TRIQK: variants seen among roughly 807,000 people sequenced by gnomAD.
The protein encoded by TRIQK is triple QxxK/R motif-containing protein.
In TRIQK, 10 loss-of-function variants were observed where a neutral mutation model predicts 10.8. That is an observed-to-expected ratio of 0.92 (90% CI 0.57 to 1.57). The LOEUF (loss-of-function observed/expected upper bound fraction) is 1.57. TRIQK is among the 40% of genes most tolerant of loss of function. The pLI is 0.00. For synonymous variants in TRIQK, 33 were observed against 33.7 expected (o/e 0.98, Z 0.07); for missense variants, 107 against 97.7 (o/e 1.09, Z -0.40).
chr8:92,988,394 A>G (rs1229048768), intron 1 of TRIQK, among the ~76,000 whole-genome samples: 52 of 152,070 alleles, frequency 3.4e-4, no homozygotes. Flanking sequence ...AATTAAATGA[A>G]AAGAAAAGTA....
At chr8:93,003,363 A>G (rs1813234898) in intron 1 of TRIQK, among the ~76,000 whole-genome samples, 1 of 149,704 alleles carries the variant, frequency 6.7e-6, no homozygotes, top group East Asian at 1.9e-4. Context: ...AGTGTTACAC[A>G]CATTCAAACA....
chr8:92,928,677 A>C (rs1174213760), intron 2 of TRIQK, among the ~76,000 whole-genome samples: 1 of 152,204 alleles, frequency 6.6e-6, no homozygotes, highest in African/African-American at 2.4e-5. Context: ...GCATTTGAGA[A>C]ACACAGCTGG....
chr8:92,886,191 T>G lies in TRIQK; in HGVS notation c.*431A>C, dbSNP rs1426457235. Reference sequence around the variant, plus strand: ...AGGGCTTTGTTGTAAAATAAAAAATTTCCCATGACTTTTTGTTCTTTCTGA... The same window carrying G: ...AGGGCTTTGTTGTAAAATAAAAAATGTCCCATGACTTTTTGTTCTTTCTGA... On this transcript the variant is annotated 3_prime_UTR_variant, in exon 5 of 5. Coordinates refer to ENST00000521988, the MANE Select transcript of TRIQK (RefSeq NM_001171797.2). The G allele has an allele frequency of 6.6e-6, 1 of 151,940 alleles. No individual in the cohort carries two copies. Among genetic ancestry groups the G allele is most frequent in the Non-Finnish European group, 1.5e-5 (1 of 67,982 alleles). 9.4% of individuals were successfully genotyped at this position (151,940 alleles called of 1,614,324 possible).
chr8:92,938,332 T>A (rs1402630071), intron 2 of TRIQK, among the ~76,000 whole-genome samples: 2 of 152,076 alleles, frequency 1.3e-5, no homozygotes, highest in Non-Finnish European at 2.9e-5. Context: ...TTTGTAATGA[T>A]TATTACAATC....
chr8:92,990,230 G>A (rs1297237026), intron 1 of TRIQK, among the ~76,000 whole-genome samples: 8 of 152,060 alleles, frequency 5.3e-5, no homozygotes, highest in Non-Finnish European at 7.4e-5. Flanking sequence ...CTCAAGAATC[G>A]GGAGCTTCTT....
chr8:92,932,780 A>G (rs1162855266), intron 2 of TRIQK, among the ~76,000 whole-genome samples: 8 of 152,036 alleles, frequency 5.3e-5, no homozygotes, highest in Non-Finnish European at 1.2e-4. Context: ...GTACTCATAG[A>G]TATTTTTATT....
intron 2 of TRIQK, among the ~76,000 whole-genome samples, chr8:92,924,556 T>C (rs1167841410): frequency 2.0e-5 from 3 of 152,016 alleles, no homozygotes; most frequent in Non-Finnish European, 2.9e-5. Context: ...AAGAGTCATC[T>C]CTGAGTAATC....
intron 1 of TRIQK, among the ~76,000 whole-genome samples, chr8:93,011,994 T>G (rs56214552): frequency 0.24 from 35,734 of 151,966 alleles, 4,396 homozygotes; most frequent in South Asian, 0.3. Flanking sequence ...TGGGGACAGA[T>G]GGAAAATATT....
intron 4 of TRIQK, among the ~76,000 whole-genome samples, chr8:92,888,136 C>A (rs1192876597): frequency 6.6e-6 from 1 of 151,574 alleles, no homozygotes; most frequent in Non-Finnish European, 1.5e-5. Context: ...ATGTAATAAA[C>A]AAGTGACACA....
chr8:93,002,771 T>C (rs1444211100), intron 1 of TRIQK, among the ~76,000 whole-genome samples: 5 of 151,710 alleles, frequency 3.3e-5, no homozygotes, highest in Non-Finnish European at 4.4e-5. Context: ...AATAAAAAAA[T>C]TAGCCGGGTG....
intron 2 of TRIQK, among the ~76,000 whole-genome samples, chr8:92,934,240 A>G (rs1273784902): frequency 6.6e-6 from 1 of 152,004 alleles, no homozygotes; most frequent in Non-Finnish European, 1.5e-5. Flanking sequence ...GAAAGACTAG[A>G]TGACATTGAC....
intron 3 of TRIQK, among the ~76,000 whole-genome samples, chr8:92,896,088 G>A (rs777804174): frequency 5.9e-5 from 9 of 152,100 alleles, no homozygotes; most frequent in Non-Finnish European, 1.0e-4. Flanking sequence ...TCCCAAAATA[G>A]ATCCAGAAGA....
upstream of TRIQK, among the ~76,000 whole-genome samples, chr8:92,968,421 G>A (rs778307366): frequency 5.3e-4 from 81 of 152,178 alleles, no homozygotes; most frequent in Admixed American, 7.2e-4. Flanking sequence ...CCCACCAACA[G>A]TGTAAAAGCA....
chr8:92,941,394 A>T (rs1311485178), intron 2 of TRIQK: 2 of 152,190 alleles, frequency 1.3e-5, no homozygotes, highest in Non-Finnish European at 2.9e-5. Flanking sequence ...AAATTTAAAA[A>T]TTTCTTAAGA....
intron 1 of TRIQK, among the ~76,000 whole-genome samples, chr8:93,008,751 T>C (rs1813298972): frequency 6.6e-6 from 1 of 152,176 alleles, no homozygotes; most frequent in Non-Finnish European, 1.5e-5. Context: ...AGTCTCTTCA[T>C]TGTGCTGCTG....
At chr8:92,995,907 C>T (rs554857086) in intron 1 of TRIQK, among the ~76,000 whole-genome samples, 12 of 152,054 alleles carry the variant, frequency 7.9e-5, no homozygotes, top group Non-Finnish European at 1.5e-4. Context: ...TCAGGTTTCC[C>T]GGGATAGTCA....
intron 1 of TRIQK, chr8:92,974,197 C>T (rs1812906013): frequency 6.6e-6 from 1 of 152,304 alleles, no homozygotes; most frequent in Non-Finnish European, 1.5e-5. Context: ...TACCCAGTAA[C>T]AAACAGCACT....
At chr8:92,980,017 T>G (rs963546952) in intron 1 of TRIQK, among the ~76,000 whole-genome samples, 1 of 152,034 alleles carries the variant, frequency 6.6e-6, no homozygotes, top group Non-Finnish European at 1.5e-5. Context: ...AGAGGGTGTC[T>G]TCATCTCAAT....
chr8:93,007,032 T>G (rs1257291063), intron 1 of TRIQK, among the ~76,000 whole-genome samples: 1 of 152,146 alleles, frequency 6.6e-6, no homozygotes, highest in Admixed American at 6.5e-5. Flanking sequence ...GGGTGCCTGA[T>G]CCCGTACCTC....
Sources: allele counts gnomAD v4.1 joint callset (sites outside exome capture counted in the v4.1 genomes callset), GRCh38; gene constraint gnomAD v4.1.1; transcripts MANE v1.5; gene names NCBI Gene and HGNC (gene_info 2026-07-23, HGNC 2026-07-21).